The following PKP1 variants were observed in gnomAD, a reference collection of about 807,000 sequenced individuals.
PKP1 encodes plakophilin 1.
Under a neutral mutation model 76.4 loss-of-function variants are expected in PKP1, and 27 were observed. The observed-to-expected ratio is 0.35, with a 90% CI of 0.26 to 0.49. PKP1 has a LOEUF of 0.49. Ranked by LOEUF, PKP1 falls within the 20% of genes least tolerant of loss-of-function variation. The pLI, the probability that PKP1 is intolerant of heterozygous loss-of-function variation, is 0.99. For synonymous variants in PKP1, 404 were observed against 384.2 expected (o/e 1.05, Z -0.60); for missense variants, 964 against 955.2 (o/e 1.01, Z -0.12).
chr1:201,320,162 C>A, intron 6 of PKP1, 105 bp from the exon 7 acceptor site: 1 of 769,720 alleles, frequency 1.3e-6, no homozygotes, highest in South Asian at 1.5e-5. Context: ...CCCTCTCCTG[C>A]CTGTTCTCTC....
At chr1:201,310,066 T>G (rs1354866222) in intron 2 of PKP1, among the ~76,000 whole-genome samples, 1 of 152,220 alleles carries the variant, frequency 6.6e-6, no homozygotes, top group African/African-American at 2.4e-5. Context: ...CTGGGCTGTC[T>G]TGGCTTCCTG....
chr1:201,316,811 GC>G, intron 4 of PKP1, 114 bp downstream of exon 4: 3 of 1,161,098 alleles, frequency 2.6e-6, no homozygotes, highest in South Asian at 1.3e-5. Context: ...CTCTTGCCTT[GC>G]CCAGCTGCCA....
intron 8 of PKP1, 54 bp from the exon 9 acceptor site, chr1:201,322,957 TTG>T: frequency 1.3e-6 from 2 of 1,560,074 alleles, no homozygotes; most frequent in South Asian, 2.3e-5. Flanking sequence ...AATGCCTGGG[TTG>T]TGTCCTCTCA....
At chr1:201,292,070 C>T (rs942492150) in intron 1 of PKP1, among the ~76,000 whole-genome samples, 2 of 152,166 alleles carry the variant, frequency 1.3e-5, no homozygotes, top group Non-Finnish European at 2.9e-5. Context: ...GGCGGATGGC[C>T]CTTCTGGAGT....
At chr1:201,322,935 G>A (rs1463151424) in intron 8 of PKP1, 78 bp from the exon 9 acceptor site, 2 of 1,459,472 alleles carry the variant, frequency 1.4e-6, no homozygotes, top group South Asian at 1.2e-5. Context: ...GAGGCTGGGG[G>A]GATGGGGACA....
chr1:201,284,819 C>T (rs1028497839), intron 1 of PKP1, among the ~76,000 whole-genome samples: 2 of 152,098 alleles, frequency 1.3e-5, no homozygotes, highest in African/African-American at 2.4e-5. Context: ...TGAACCCTCA[C>T]GGGCACTTTT....
intron 5 of PKP1, among the ~76,000 whole-genome samples, 159 bp from the exon 6 acceptor site, chr1:201,318,459 T>G (rs1395296543): frequency 2.6e-5 from 4 of 152,200 alleles, no homozygotes; most frequent in Non-Finnish European, 5.9e-5. Context: ...AGAAATAGCC[T>G]CATGACACAG....
intron 1 of PKP1, among the ~76,000 whole-genome samples, chr1:201,290,530 G>A (rs901764889): frequency 6.6e-6 from 1 of 152,168 alleles, no homozygotes; most frequent in Admixed American, 6.5e-5. Context: ...GGTGGCCTTG[G>A]GTATTTGAGA....
chr1:201,288,248 ACT>A (rs1332919812), intron 1 of PKP1, among the ~76,000 whole-genome samples: 2 of 151,966 alleles, frequency 1.3e-5, no homozygotes, highest in African/African-American at 4.8e-5. Flanking sequence ...AGATTTTATA[ACT>A]CTCTAGCTCT....
intron 12 of PKP1, chr1:201,328,333 G>A: frequency 3.2e-6 from 1 of 317,396 alleles, no homozygotes; most frequent in Non-Finnish European, 6.1e-6. Context: ...CCCTGCTCCT[G>A]TGTTTGAGAA....
chr1:201,306,423 A>G (rs1230113882), intron 2 of PKP1, among the ~76,000 whole-genome samples: 2 of 152,238 alleles, frequency 1.3e-5, no homozygotes, highest in East Asian at 3.8e-4. Flanking sequence ...AGAGGCTAAG[A>G]TGCCTTCTTT....
intron 2 of PKP1, among the ~76,000 whole-genome samples, chr1:201,301,589 A>G (rs9943100): frequency 0.032 from 4,831 of 152,252 alleles, 266 homozygotes; most frequent in African/African-American, 0.11. Flanking sequence ...TCTCCGGAGA[A>G]GGAAGCTTCT....
At chr1:201,315,208 T>C (rs958413885) in intron 3 of PKP1, among the ~76,000 whole-genome samples, 3 of 152,128 alleles carry the variant, frequency 2.0e-5, no homozygotes, top group Admixed American at 2.0e-4. Flanking sequence ...CTAGGTGAGA[T>C]ATGGAAGGGA....
At chr1:201,305,788 A>T (rs758620226) in intron 2 of PKP1, among the ~76,000 whole-genome samples, 6 of 152,068 alleles carry the variant, frequency 3.9e-5, no homozygotes, top group Non-Finnish European at 7.4e-5. Context: ...TGCTCTTCTG[A>T]GGTGCTGGCT....
chr1:201,314,638 G>C (rs1035947398), intron 3 of PKP1, among the ~76,000 whole-genome samples: 1 of 152,220 alleles, frequency 6.6e-6, no homozygotes, highest in Non-Finnish European at 1.5e-5. Context: ...AGACGCAGAG[G>C]TGTCGTGAGT....
chr1:201,325,205 C>G, intron 11 of PKP1, 78 bp downstream of exon 11: 1 of 1,439,724 alleles, frequency 6.9e-7, no homozygotes, highest in Non-Finnish European at 9.7e-7. Flanking sequence ...AGCAGTCCCG[C>G]AGCTCTCCAT....
Position 201,322,061 on chromosome 1 carries a change from G to A in PKP1, c.1431G>A (p.Glu477=). Residue 477 remains glutamate, a synonymous_variant, in exon 8 of 14, where the codon GAG becomes GAA. Coordinates refer to ENST00000367324, the MANE Select transcript of PKP1 (RefSeq NM_001005337.3). ...TGCCCACCCGCTACCGCCAGCTGGAGTATAACGCCCGCAACGCCTACACCG... is the reference window on the plus strand; with the variant it reads ...TGCCCACCCGCTACCGCCAGCTGGAATATAACGCCCGCAACGCCTACACCG... The part of the protein sequence containing the change: ...AEVPTRYRQL[E]YNARNAYTEK... The A allele has an allele frequency of 1.9e-6, 3 of 1,613,832 alleles. No individual in the cohort carries two copies. Among genetic ancestry groups the A allele is most frequent in the Middle Eastern group, 1.6e-4 (1 of 6,062 alleles).
At chr1:201,311,425 T>A (rs1171183517) in intron 2 of PKP1, among the ~76,000 whole-genome samples, 1 of 152,204 alleles carries the variant, frequency 6.6e-6, no homozygotes, top group East Asian at 1.9e-4. Context: ...AGTGCACAGC[T>A]GGGCGTGTGG....
chr1:201,310,757 T>G (rs1453730256), intron 2 of PKP1, among the ~76,000 whole-genome samples: 1 of 152,018 alleles, frequency 6.6e-6, no homozygotes, highest in Non-Finnish European at 1.5e-5. Flanking sequence ...GGAGCTGGGG[T>G]GGGGTTCCCA....
Sources: gnomAD v4.1 joint callset for allele counts (sites outside exome capture counted in the v4.1 genomes callset) on GRCh38, gnomAD v4.1.1 for gene constraint, MANE v1.5 for transcripts, NCBI Gene and HGNC (gene_info 2026-07-23, HGNC 2026-07-21) for gene names.